MAST4: variants seen among roughly 807,000 people sequenced by gnomAD.
MAST4 encodes the protein microtubule-associated serine/threonine-protein kinase 4.
A neutral mutation model predicts 162.7 loss-of-function variants in MAST4; 89 were observed. The observed-to-expected ratio is 0.55, with a 90% CI of 0.46 to 0.65. The LOEUF (loss-of-function observed/expected upper bound fraction) is 0.65. Among genes scored for constraint, MAST4 ranks in the 30% least tolerant of loss-of-function variants. The pLI is 0.00. For synonymous variants in MAST4, 1,479 were observed against 1,361.1 expected (o/e 1.09, Z -1.91); for missense variants, 3,153 against 3,374.0 (o/e 0.93, Z 1.62).
chr5:66,652,947 G>T (rs138287442), intron 1 of MAST4, among the ~76,000 whole-genome samples: 1 of 152,172 alleles, frequency 6.6e-6, no homozygotes, highest in African/African-American at 2.4e-5. Context: ...TTGTTAATGT[G>T]TATGTCAATG....
At chr5:67,100,370 T>TCTC (rs1254091711) in intron 7 of MAST4, 65 bp from the exon 8 acceptor site, 2 of 1,529,952 alleles carry the variant, frequency 1.3e-6, no homozygotes, top group African/African-American at 2.7e-5. Context: ...CTCATCGATC[T>TCTC]CTCCTGTTCA....
intron 4 of MAST4, among the ~76,000 whole-genome samples, chr5:66,914,025 T>G (rs1361915137): frequency 6.6e-6 from 1 of 152,212 alleles, no homozygotes; most frequent in East Asian, 1.9e-4. Context: ...TATTATAGCT[T>G]TATAATAAGT....
chr5:66,849,043 T>G (rs936560905), intron 3 of MAST4, among the ~76,000 whole-genome samples: 4 of 152,196 alleles, frequency 2.6e-5, no homozygotes, highest in Non-Finnish European at 5.9e-5. Context: ...TTGGACTCAG[T>G]GAAATAATGA....
chr5:66,780,215 C>G (rs959137297), intron 2 of MAST4, among the ~76,000 whole-genome samples: 1 of 152,108 alleles, frequency 6.6e-6, no homozygotes, highest in Non-Finnish European at 1.5e-5. Context: ...AACAGGAACT[C>G]CCCATTCCCC....
intron 4 of MAST4, among the ~76,000 whole-genome samples, chr5:67,048,315 A>G (rs1239464444): frequency 2.0e-5 from 3 of 152,200 alleles, no homozygotes; most frequent in Non-Finnish European, 4.4e-5. Flanking sequence ...TTACGTTGCC[A>G]TGGTTAAACC....
intron 1 of MAST4, among the ~76,000 whole-genome samples, chr5:66,612,821 T>G (rs867716835): frequency 5.9e-5 from 9 of 152,194 alleles, no homozygotes; most frequent in Admixed American, 2.6e-4. Context: ...TCAGATATCT[T>G]TGCTATAAAT....
At chr5:66,728,567 A>G (rs766472544) in intron 1 of MAST4, among the ~76,000 whole-genome samples, 9 of 152,158 alleles carry the variant, frequency 5.9e-5, no homozygotes, top group Admixed American at 2.0e-4. Context: ...AATTTTAGAC[A>G]TGAGATTTAT....
At chr5:67,149,150 A>G (rs1771465514) in intron 23 of MAST4, among the ~76,000 whole-genome samples, 1 of 152,166 alleles carries the variant, frequency 6.6e-6, no homozygotes, top group Admixed American at 6.5e-5. Flanking sequence ...GAATTAGCAG[A>G]CTTGTGTACA....
At chr5:67,153,142 CT>C (rs1408789716) in intron 25 of MAST4, among the ~76,000 whole-genome samples, 1 of 152,164 alleles carries the variant, frequency 6.6e-6, no homozygotes, top group Non-Finnish European at 1.5e-5. Context: ...TTCCATCCTT[CT>C]TTTATTTTAT....
intron 3 of MAST4, among the ~76,000 whole-genome samples, chr5:66,810,775 A>G (rs934521825): frequency 6.6e-6 from 1 of 152,104 alleles, no homozygotes; most frequent in Non-Finnish European, 1.5e-5. Flanking sequence ...CTGCACCATC[A>G]TAGGCTTTAC....
In MAST4 at chr5:66,759,844, C is replaced by A; in HGVS notation, c.499C>A (p.Leu167Met). Residue 167 changes from leucine (L) to methionine (M), a missense_variant, in exon 2 of 29, where the codon CTG becomes ATG. By Grantham distance (15) the Leu-to-Met change is conservative (BLOSUM62 2). This residue lies in a region of MAST4 where 327 missense variants were observed against 336.5 expected (regional missense o/e 0.97). Coordinates refer to ENST00000403625, the MANE Select transcript of MAST4 (RefSeq NM_001164664.2). ...TGGAAGACAGCTAAGGCGAGGGAGCCTGGGAGGAGCCCTGACTGGTGAGTC... is the reference window on the plus strand; with the variant it reads ...TGGAAGACAGCTAAGGCGAGGGAGCATGGGAGGAGCCCTGACTGGTGAGTC... ...EDGRQLRRGS[L>M]GGALTGRYLL... 6.2e-7 allele frequency: 1 copy of A among 1,613,862 alleles called. No individual in the cohort carries two copies. Among genetic ancestry groups the A allele is most frequent in the South Asian group, 1.1e-5 (1 of 91,064 alleles).
intron 4 of MAST4, among the ~76,000 whole-genome samples, chr5:66,947,825 T>C (rs1580976773): frequency 6.6e-6 from 1 of 152,180 alleles, no homozygotes; most frequent in East Asian, 1.9e-4. Context: ...ATGTTGGGTC[T>C]CAAGAATTTC....
intron 3 of MAST4, among the ~76,000 whole-genome samples, chr5:66,801,696 G>A (rs983079166): frequency 1.3e-5 from 2 of 152,038 alleles, no homozygotes; most frequent in Non-Finnish European, 2.9e-5. Context: ...TTTTTAAGTG[G>A]AAAAAATAGC....
At chr5:66,757,124 T>C (rs76125849) in intron 1 of MAST4, among the ~76,000 whole-genome samples, 5,381 of 152,264 alleles carry the variant, frequency 0.035, 292 homozygotes, top group African/African-American at 0.12. Context: ...CTTGTTTTTC[T>C]ACCCGCTGTT....
chr5:66,788,826 T>G (rs1561331795), intron 3 of MAST4, 32 bp downstream of exon 3: 5 of 1,521,354 alleles, frequency 3.3e-6, no homozygotes, highest in Non-Finnish European at 3.5e-6. Flanking sequence ...TGGAGGCTGC[T>G]CCAGCTCACC....
intron 1 of MAST4, among the ~76,000 whole-genome samples, chr5:66,705,023 C>T (rs147159413): frequency 1.3e-3 from 199 of 152,210 alleles, no homozygotes; most frequent in African/African-American, 4.6e-3. Context: ...TGTTAGGTGC[C>T]CACCAAGCCA....
At chr5:66,597,052 C>A in intron 1 of MAST4, 34 bp downstream of exon 1, 2 of 1,389,298 alleles carry the variant, frequency 1.4e-6, no homozygotes, top group Non-Finnish European at 9.3e-7. Flanking sequence ...ACTCTGGGTT[C>A]CGGCAGCCGG....
At chr5:67,070,881 C>A (rs1276795635) in intron 5 of MAST4, among the ~76,000 whole-genome samples, 1 of 152,168 alleles carries the variant, frequency 6.6e-6, no homozygotes, top group Non-Finnish European at 1.5e-5. Context: ...CTGGCAGTCA[C>A]CACCCAACCC....
intron 3 of MAST4, chr5:66,789,788 G>A (rs765544323): frequency 7.7e-6 from 4 of 517,808 alleles, no homozygotes; most frequent in African/African-American, 3.9e-5. Flanking sequence ...TTTAAGCAAT[G>A]CAAATACGCT....
Sources: allele counts gnomAD v4.1 joint callset (sites outside exome capture counted in the v4.1 genomes callset), GRCh38; gene constraint gnomAD v4.1.1; regional missense constraint gnomAD v4.1.1; transcripts MANE v1.5; gene names NCBI Gene and HGNC (gene_info 2026-07-23, HGNC 2026-07-21).